GRID1: variants seen among roughly 807,000 people sequenced by gnomAD.
GRID1 encodes glutamate ionotropic receptor delta type subunit 1, also known as glutamate receptor ionotropic, delta-1.
Under a neutral mutation model 98.0 loss-of-function variants are expected in GRID1, and 28 were observed. The ratio of observed to expected loss-of-function variants is 0.29; its 90% confidence interval spans 0.21 to 0.39. The LOEUF (loss-of-function observed/expected upper bound fraction) is 0.39, where lower values mean the gene tolerates loss of function less well. Among genes scored for constraint, GRID1 ranks in the 10% least tolerant of loss-of-function variants. GRID1 has a pLI of 1.00. For synonymous variants in GRID1, 553 were observed against 538.5 expected (o/e 1.03, Z -0.37); for missense variants, 1,111 against 1,340.5 (o/e 0.83, Z 2.67).
chr10:86,293,724 G>T (rs541999198), intron 2 of GRID1, among the ~76,000 whole-genome samples: 210 of 152,206 alleles, frequency 1.4e-3, no homozygotes, highest in Non-Finnish European at 2.6e-3. Context: ...AGGGAGGGGT[G>T]GGGGAGGAGA....
chr10:85,850,161 C>A (rs1351953608), intron 8 of GRID1, among the ~76,000 whole-genome samples: 1 of 152,182 alleles, frequency 6.6e-6, no homozygotes, highest in East Asian at 1.9e-4. Flanking sequence ...GTTGGCAATT[C>A]TCCCAGGGTT....
rs1249314606 is a variant in GRID1 at position 85,651,695 on chromosome 10, G to A, written c.1998-4298C>T. On this transcript the variant is annotated intron_variant, in intron 12 of 15. Transcript: ENST00000327946. ...CCCTGGGAAAGTAATGAACTCCTAG[G>A]CAAGGAACTGCTCAGGAAGAACGGC... 2.0e-5 allele frequency among the ~76,000 whole-genome samples: 3 copies of A among 152,152 alleles called. No homozygotes were observed. The East Asian group carries it at 5.8e-4, about 29-fold the overall frequency.
Position 85,607,797 on chromosome 10 carries a change from T to C in GRID1, c.2602-5096A>G, listed in dbSNP as rs1159548779. Among the ~76,000 whole-genome samples the C allele has an allele frequency of 2.7e-5, 4 of 150,874 alleles. 1 individual carries two copies. Among genetic ancestry groups the C allele is most frequent in the Middle Eastern group, 6.9e-3 (2 of 290 alleles). Reference sequence around the variant, plus strand: ...CTACCAGGTTCCCAAACCTGGGCTCTTTCCTTTTCCTTTTTTTTTTTTTTT... The same window carrying C: ...CTACCAGGTTCCCAAACCTGGGCTCCTTCCTTTTCCTTTTTTTTTTTTTTT... On this transcript the variant is annotated intron_variant, in intron 15 of 15. Transcript: ENST00000327946.
At chr10:85,877,503 C>T (rs1342736464) in intron 5 of GRID1, among the ~76,000 whole-genome samples, 1 of 152,150 alleles carries the variant, frequency 6.6e-6, no homozygotes, top group South Asian at 2.1e-4. Flanking sequence ...GACACCCAGG[C>T]AAACAGGGTC....
intron 15 of GRID1, chr10:85,606,825 C>A (rs997976224): frequency 6.6e-6 from 1 of 152,178 alleles, no homozygotes; most frequent in African/African-American, 2.4e-5. Flanking sequence ...ATACTGCATT[C>A]TATTATGTTA....
chr10:86,201,339 C>T (rs546907589), intron 3 of GRID1, among the ~76,000 whole-genome samples: 27 of 152,242 alleles, frequency 1.8e-4, no homozygotes, highest in African/African-American at 6.0e-4. Flanking sequence ...ATATATGAGT[C>T]GCAAACCAAC....
At chr10:86,133,918 A>G (rs1844876088) in intron 4 of GRID1, among the ~76,000 whole-genome samples, 1 of 152,264 alleles carries the variant, frequency 6.6e-6, no homozygotes, top group African/African-American at 2.4e-5. Context: ...CTCCATAAAG[A>G]AAACAAACAG....
chr10:86,195,199 C>T lies in GRID1; in HGVS notation c.520+11165G>A, dbSNP rs142718705. On this transcript the variant is annotated intron_variant, in intron 3 of 15. Transcript: ENST00000327946. The surrounding 1 kb of genome is among the most constrained non-coding windows in gnomAD (Gnocchi z 4.4). ...TGAGAGGGCCACACTGCACAGTCAG[C>T]GACTGTGCTTGACTGAGAAACAGCC... Among the ~76,000 whole-genome samples, 5 of 152,172 alleles carry T rather than the reference C, an allele frequency of 3.3e-5. No individual in the cohort carries two copies. Among genetic ancestry groups the T allele is most frequent in the Admixed American group, 6.5e-5 (1 of 15,270 alleles).
At chr10:85,973,033 T>G (rs772996260) in intron 4 of GRID1, among the ~76,000 whole-genome samples, 5 of 152,220 alleles carry the variant, frequency 3.3e-5, no homozygotes, top group Non-Finnish European at 7.4e-5. Context: ...TCTTGGTATT[T>G]AACATAGGGC....
At chr10:86,242,666 C>G (rs767726518) in intron 2 of GRID1, among the ~76,000 whole-genome samples, 1 of 152,198 alleles carries the variant, frequency 6.6e-6, no homozygotes, top group African/African-American at 2.4e-5. Context: ...ACCTCCAAAA[C>G]CCCTGTCCAG....
chr10:86,276,432 A>T (rs1265737381), intron 2 of GRID1, among the ~76,000 whole-genome samples: 2 of 152,124 alleles, frequency 1.3e-5, no homozygotes, highest in Non-Finnish European at 2.9e-5. Context: ...TCACATTCTG[A>T]AGTACTGTGT....
intron 8 of GRID1, among the ~76,000 whole-genome samples, chr10:85,779,276 C>T (rs1485026911): frequency 6.6e-6 from 1 of 152,086 alleles, no homozygotes; most frequent in Non-Finnish European, 1.5e-5. Flanking sequence ...CAAATGGGAA[C>T]AAGACTCAAT....
chr10:86,271,696 T>C (rs1847187340), intron 2 of GRID1, among the ~76,000 whole-genome samples: 2 of 151,974 alleles, frequency 1.3e-5, no homozygotes, highest in South Asian at 4.2e-4. Context: ...TTTAAATACA[T>C]GGAAAAAGAA....
chr10:85,985,588 A>G (rs550883104), intron 4 of GRID1, among the ~76,000 whole-genome samples: 1,641 of 152,276 alleles, frequency 0.011, no homozygotes, highest in African/African-American at 0.038. Flanking sequence ...GCAAGAACCT[A>G]CATCTGGGTT....
intron 2 of GRID1, among the ~76,000 whole-genome samples, chr10:86,283,728 C>G (rs1847388565): frequency 6.6e-6 from 1 of 151,082 alleles, no homozygotes; most frequent in Admixed American, 6.6e-5. Flanking sequence ...TACACACCTG[C>G]CCTCATACAC....
intron 12 of GRID1, among the ~76,000 whole-genome samples, chr10:85,686,402 T>C (rs1841269278): frequency 6.6e-6 from 1 of 152,240 alleles, no homozygotes; most frequent in African/African-American, 2.4e-5. Context: ...ATGCACACTG[T>C]AGCACTGTCA....
chr10:86,226,332 C>T (rs1240874645), intron 2 of GRID1, among the ~76,000 whole-genome samples: 5 of 140,908 alleles, frequency 3.5e-5, no homozygotes, highest in African/African-American at 1.1e-4. Context: ...CCCTCCCACC[C>T]CAGCATACCC....
At chr10:85,786,646 T>A (rs1006156914) in intron 8 of GRID1, among the ~76,000 whole-genome samples, 3 of 152,150 alleles carry the variant, frequency 2.0e-5, no homozygotes, top group Non-Finnish European at 4.4e-5. Context: ...GTAGTGCACA[T>A]CCACATTTAG....
Position 85,630,765 on chromosome 10 carries a change from C to T in GRID1, c.2194-10732G>A, listed in dbSNP as rs570200222. Among the ~76,000 whole-genome samples, 152 of 152,248 alleles carry T rather than the reference C, an allele frequency of 1.0e-3. 2 individuals carry two copies. Among genetic ancestry groups the T allele is most frequent in the South Asian group, 3.3e-3 (16 of 4,822 alleles). ...TTATCAGGTCCCATCCCAAGACCCA[C>T]CAAATAAGAGACTCTTGGAACGAGG... On this transcript the variant is annotated intron_variant, in intron 13 of 15. Coordinates refer to ENST00000327946, the MANE Select transcript of GRID1 (RefSeq NM_017551.3).
Sources: allele counts gnomAD v4.1 joint callset (sites outside exome capture counted in the v4.1 genomes callset), GRCh38; gene constraint gnomAD v4.1.1; non-coding constraint Gnocchi (gnomAD v3.1); transcripts MANE v1.5; gene names NCBI Gene and HGNC (gene_info 2026-07-23, HGNC 2026-07-21).